Variants in ILRUN observed in about 807,000 individuals in gnomAD.
The protein encoded by ILRUN is inflammation and lipid regulator with UBA-like and NBR1-like domains.
Under a neutral mutation model 33.8 loss-of-function variants are expected in ILRUN, and 3 were observed. The observed-to-expected ratio is 0.09, with a 90% CI of 0.04 to 0.23. The LOEUF is 0.23. Ranked by LOEUF, ILRUN falls within the 10% of genes least tolerant of loss-of-function variation. ILRUN has a pLI of 1.00. For missense variants in ILRUN, 210 were observed against 375.1 expected (o/e 0.56, Z 3.64); for synonymous variants, 124 against 138.9 (o/e 0.89, Z 0.75).
rs796670482 is a variant in ILRUN at position 34,638,363 on chromosome 6, T to C, written c.511+8238A>G. On this transcript the variant is annotated intron_variant, in intron 3 of 4. Coordinates refer to ENST00000374023, the MANE Select transcript of ILRUN (RefSeq NM_024294.4). ...CAGATCTCATTTACATTTTGAAACA[T>C]TCCTTCTAAAATATTTTCCATACAA... Among the ~76,000 whole-genome samples the C allele has an allele frequency of 5.1e-4, 78 of 152,322 alleles. 1 individual carries two copies. The highest frequency in any genetic ancestry group is 1.8e-3 in the African/African-American group (76 of 41,582).
chr6:34,680,140 C>T (rs755197209), intron 1 of ILRUN, among the ~76,000 whole-genome samples: 16 of 152,366 alleles, frequency 1.1e-4, no homozygotes, highest in East Asian at 1.9e-4. Context: ...CATTTCCACC[C>T]ATGTGACTTC....
rs1335858892 is a variant in ILRUN at position 34,589,043 on chromosome 6, C to G, written c.*1522G>C. The stretch of plus-strand genomic sequence containing the variant: ...ACCCAGCTGGATGGGGGTGTGGTAA[C>G]AGGCAGGTGACCCTGCAACAGCACC... On this transcript the variant is annotated 3_prime_UTR_variant, in exon 5 of 5. Transcript: ENST00000374023. 3 of 152,756 alleles carry G rather than the reference C, an allele frequency of 2.0e-5. No homozygotes were observed. In the East Asian group the frequency reaches 5.8e-4, roughly 29 times the overall value. 9.5% of individuals were successfully genotyped at this position (152,756 alleles called of 1,614,324 possible). A position where few individuals can be genotyped will look rare whatever the true frequency, so the allele number is the denominator to read the frequency against.
At chr6:34,647,502 G>A (rs996344807) in intron 2 of ILRUN, among the ~76,000 whole-genome samples, 5 of 152,046 alleles carry the variant, frequency 3.3e-5, no homozygotes, top group African/African-American at 7.2e-5. Context: ...AGGTACTTGC[G>A]GATAGGATGG....
At chr6:34,642,185 A>C (rs1434404436) in intron 3 of ILRUN, among the ~76,000 whole-genome samples, 1 of 152,236 alleles carries the variant, frequency 6.6e-6, no homozygotes, top group South Asian at 2.1e-4. Context: ...TGTTTTAAGA[A>C]GGGACGACAT....
At chr6:34,608,084 C>T (rs1761670749) in intron 3 of ILRUN, among the ~76,000 whole-genome samples, 1 of 147,200 alleles carries the variant, frequency 6.8e-6, no homozygotes, top group Non-Finnish European at 1.5e-5. Context: ...CACAGCACCA[C>T]CCTGTCTTAA....
In ILRUN at chr6:34,614,436, A is replaced by AT. The variant is rs1562002918; in HGVS notation, c.512-7533_512-7532insA. 3.3e-3 allele frequency among the ~76,000 whole-genome samples: 412 copies of AT among 123,128 alleles called. 5 individuals are homozygous for AT. The highest frequency in any genetic ancestry group is 0.015 in the African/African-American group (379 of 24,722). The allele number at this position is 123,128 out of a possible 152,430, so 80.8% of individuals were successfully genotyped here. A position where few individuals can be genotyped will look rare whatever the true frequency, so the allele number is the denominator to read the frequency against. ...GACTCCATCTCAAAAAATAATAAAA[A>AT]AAAAAAAATATATATATATAAAATG... On this transcript the variant is annotated intron_variant, in intron 3 of 4. Coordinates refer to ENST00000374023, the MANE Select transcript of ILRUN (RefSeq NM_024294.4).
At chr6:34,618,704 C>A (rs1308600956) in intron 3 of ILRUN, among the ~76,000 whole-genome samples, 1 of 152,236 alleles carries the variant, frequency 6.6e-6, no homozygotes, top group Non-Finnish European at 1.5e-5. Context: ...TCTTCCTCCC[C>A]CTCATTCCAG....
chr6:34,674,463 A>G (rs950403846), intron 1 of ILRUN, among the ~76,000 whole-genome samples: 5 of 152,218 alleles, frequency 3.3e-5, no homozygotes, highest in Non-Finnish European at 5.9e-5. Flanking sequence ...TTTGCTCTTC[A>G]CCACTACTTT....
intron 1 of ILRUN, among the ~76,000 whole-genome samples, chr6:34,656,304 TG>T (rs1762770847): frequency 6.6e-6 from 1 of 151,408 alleles, no homozygotes; most frequent in Non-Finnish European, 1.5e-5. Context: ...TAAATGTTGG[TG>T]TTCTTTTTAA....
At chr6:34,599,618 A>C (rs547793042) in intron 4 of ILRUN, among the ~76,000 whole-genome samples, 2 of 151,556 alleles carry the variant, frequency 1.3e-5, no homozygotes, top group Non-Finnish European at 2.9e-5. Context: ...AGAAACCCTG[A>C]CCTCCTCTCA....
intron 1 of ILRUN, among the ~76,000 whole-genome samples, chr6:34,672,799 G>A (rs997064371): frequency 2.0e-5 from 3 of 151,792 alleles, no homozygotes. Flanking sequence ...ACAGAGAAAA[G>A]GAAGGAGAGG....
intron 1 of ILRUN, among the ~76,000 whole-genome samples, chr6:34,695,335 A>G (rs1319666871): frequency 6.6e-6 from 1 of 152,206 alleles, no homozygotes; most frequent in Admixed American, 6.5e-5. Flanking sequence ...GCCCAAAGAA[A>G]TATTAGTTGC....
intron 2 of ILRUN, among the ~76,000 whole-genome samples, chr6:34,650,249 T>C (rs973544209): frequency 1.3e-5 from 2 of 152,132 alleles, no homozygotes; most frequent in African/African-American, 4.8e-5. Context: ...ACTCCCAAAG[T>C]TTCCTGCTCA....
chr6:34,606,548 C>T lies in ILRUN; in HGVS notation c.861+7G>A. 1 of 1,609,234 alleles carries T rather than the reference C, an allele frequency of 6.2e-7. No individual in the cohort carries two copies. Among genetic ancestry groups the T allele is most frequent in the Non-Finnish European group, 8.5e-7 (1 of 1,176,776 alleles). On this transcript the variant is annotated splice_region_variant and intron_variant, in intron 4 of 4. Transcript: ENST00000374023. ...ACCTACCCCTTCTCTTCTCCAAGGG[C>T]ACCTACCTTACTGTAAGTCACTACT...
At chr6:34,614,175 C>G (rs1456522427) in intron 3 of ILRUN, among the ~76,000 whole-genome samples, 1 of 152,044 alleles carries the variant, frequency 6.6e-6, no homozygotes, top group African/African-American at 2.4e-5. Flanking sequence ...ATAATCCTTG[C>G]ACCGTGGGAG....
At chr6:34,602,829 A>G (rs1761538654) in intron 4 of ILRUN, among the ~76,000 whole-genome samples, 1 of 152,138 alleles carries the variant, frequency 6.6e-6, no homozygotes, top group Admixed American at 6.5e-5. Context: ...GCGTTGTGGG[A>G]TGCAGCTAGG....
At chr6:34,599,652 CTTACAGCA>C (rs1761468644) in intron 4 of ILRUN, among the ~76,000 whole-genome samples, 1 of 152,224 alleles carries the variant, frequency 6.6e-6, no homozygotes, top group Non-Finnish European at 1.5e-5. Context: ...CACATTCAGT[CTTACAGCA>C]TTAGATGCCA....
chr6:34,616,592 A>G, intron 3 of ILRUN: 1 of 1,570,268 alleles, frequency 6.4e-7, no homozygotes, highest in Non-Finnish European at 8.6e-7. Context: ...CCTTAAGAAA[A>G]AGCGAAGGAA....
intron 3 of ILRUN, among the ~76,000 whole-genome samples, chr6:34,641,152 TTTG>T (rs1352238883): frequency 4.6e-5 from 7 of 151,960 alleles, no homozygotes; most frequent in Non-Finnish European, 1.0e-4. Flanking sequence ...AAAGCAATCT[TTTG>T]TTGTTAAAAC....
Sources: allele counts gnomAD v4.1 joint callset (sites outside exome capture counted in the v4.1 genomes callset), GRCh38; gene constraint gnomAD v4.1.1; transcripts MANE v1.5; gene names NCBI Gene and HGNC (gene_info 2026-07-23, HGNC 2026-07-21).